Variants in MUSK observed in about 807,000 individuals in gnomAD.
The protein encoded by MUSK is muscle associated receptor tyrosine kinase, also known as muscle, skeletal receptor tyrosine-protein kinase.
MUSK carries 55 observed loss-of-function variants against 88.7 expected under a neutral mutation model. The ratio of observed to expected loss-of-function variants is 0.62; its 90% CI spans 0.50 to 0.78. The LOEUF (loss-of-function observed/expected upper bound fraction) is 0.78. Ranked by LOEUF, MUSK falls within the 30% of genes least tolerant of loss-of-function variation. The probability of loss-of-function intolerance (pLI) is 0.00; values close to 1 mark genes in which losing one functional copy is unlikely to be tolerated. For synonymous variants in MUSK, 387 were observed against 391.9 expected (o/e 0.99, Z 0.15); for missense variants, 1,015 against 1,074.3 (o/e 0.94, Z 0.77).
chr9:110,760,373 C>T (rs567240669), intron 7 of MUSK, among the ~76,000 whole-genome samples: 2 of 152,186 alleles, frequency 1.3e-5, no homozygotes, highest in East Asian at 1.9e-4. Context: ...TGGAATACTA[C>T]GTGGTCATAA....
At chr9:110,783,767 T>C (rs2077804513) in intron 11 of MUSK, among the ~76,000 whole-genome samples, 1 of 152,138 alleles carries the variant, frequency 6.6e-6, no homozygotes, top group Admixed American at 6.5e-5. Flanking sequence ...TTGGGTTAAA[T>C]GTTCAGTTCA....
At chr9:110,772,077 A>G (rs1290049722) in intron 9 of MUSK, among the ~76,000 whole-genome samples, 1 of 150,446 alleles carries the variant, frequency 6.6e-6, no homozygotes, top group African/African-American at 2.4e-5. Context: ...ATGGAAAAAT[A>G]TGGTCTATAA....
intron 5 of MUSK, among the ~76,000 whole-genome samples, chr9:110,709,970 C>A (rs2076647427): frequency 9.6e-6 from 1 of 103,666 alleles, no homozygotes; most frequent in African/African-American, 2.8e-5. Context: ...CATAGTGAGA[C>A]CCCCCTCTCT....
rs1370203787 is a variant in MUSK at position 110,687,130 on chromosome 9, C to T, written c.220C>T (p.Arg74Trp). 13 of 1,613,054 alleles carry T rather than the reference C, an allele frequency of 8.1e-6. No individual in the cohort carries two copies. The highest frequency in any genetic ancestry group is 2.2e-5 in the South Asian group (2 of 90,978). The change falls in exon 3 of 15, where the codon CGG (arginine) becomes TGG (tryptophan). Residue 74 changes from arginine to tryptophan, a missense_variant. Arg to Trp is a moderately radical substitution (Grantham distance 101, BLOSUM62 -3). Transcript: ENST00000374448. ...NKILIKLFDTRYSIRENGQLL... is the reference protein window; with the variant it reads ...NKILIKLFDTWYSIRENGQLL... Reference sequence around the variant, plus strand: ...TGTGACCTGCAGACTCTTTGACACCCGGTACAGCATCCGGGAGAATGGGCA... The same window carrying T: ...TGTGACCTGCAGACTCTTTGACACCTGGTACAGCATCCGGGAGAATGGGCA...
intron 14 of MUSK, 79 bp from the exon 15 acceptor site, chr9:110,800,227 G>A (rs2132065026): frequency 3.2e-6 from 4 of 1,267,390 alleles, no homozygotes; most frequent in South Asian, 2.9e-5. Context: ...GTTCTGACAT[G>A]GTCGTTTGCT....
At chr9:110,772,016 C>T (rs1035324337) in intron 9 of MUSK, among the ~76,000 whole-genome samples, 14 of 151,288 alleles carry the variant, frequency 9.3e-5, no homozygotes, top group Admixed American at 2.6e-4. Flanking sequence ...ATACAACAAC[C>T]GCTTTACAGT....
At chr9:110,747,962 A>C (rs1368341872) in intron 7 of MUSK, 162 bp downstream of exon 7, 2 of 1,022,408 alleles carry the variant, frequency 2.0e-6, no homozygotes, top group Non-Finnish European at 3.0e-6. Flanking sequence ...GGTGACCTAG[A>C]TATGGATTTT....
intron 5 of MUSK, chr9:110,728,780 T>G: frequency 7.3e-7 from 1 of 1,375,888 alleles, no homozygotes; most frequent in Non-Finnish European, 9.8e-7. Flanking sequence ...ATTGTTTATT[T>G]TTGTTGACCT....
chr9:110,745,896 T>C (rs567632111), intron 6 of MUSK, among the ~76,000 whole-genome samples: 1 of 152,360 alleles, frequency 6.6e-6, no homozygotes, highest in Admixed American at 6.5e-5. Flanking sequence ...GTTCACTGCA[T>C]GATTGCTACA....
intron 1 of MUSK, among the ~76,000 whole-genome samples, chr9:110,675,673 G>T (rs1444439651): frequency 4.6e-5 from 6 of 129,092 alleles, no homozygotes; most frequent in Non-Finnish European, 8.0e-5. Context: ...GGGTTCAAGT[G>T]ATTCTCCTGC....
intron 5 of MUSK, among the ~76,000 whole-genome samples, chr9:110,709,643 AC>A (rs994041064): frequency 6.6e-6 from 1 of 152,212 alleles, no homozygotes; most frequent in African/African-American, 2.4e-5. Context: ...GCAGTGATTT[AC>A]GCACTTGTGC....
intron 5 of MUSK, among the ~76,000 whole-genome samples, chr9:110,699,878 A>G (rs1001680023): frequency 1.3e-5 from 2 of 152,198 alleles, no homozygotes; most frequent in Non-Finnish European, 2.9e-5. Context: ...AGGAAAAGAT[A>G]GAGTTTTGTC....
At chr9:110,712,204 C>A in intron 5 of MUSK, among the ~76,000 whole-genome samples, 1 of 150,240 alleles carries the variant, frequency 6.7e-6, no homozygotes, top group East Asian at 1.9e-4. Context: ...AGAAGGGTCT[C>A]TGCTGAGAAA....
intron 6 of MUSK, among the ~76,000 whole-genome samples, chr9:110,738,160 T>C (rs1054349907): frequency 6.6e-6 from 1 of 152,152 alleles, no homozygotes; most frequent in Admixed American, 6.6e-5. Context: ...TTTTTCTATC[T>C]ATCAAATCAC....
At chr9:110,703,033 C>A (rs1011169283) in intron 5 of MUSK, among the ~76,000 whole-genome samples, 2 of 152,004 alleles carry the variant, frequency 1.3e-5, no homozygotes, top group Non-Finnish European at 2.9e-5. Flanking sequence ...GCACTTTACC[C>A]AAGTTACATA....
At chr9:110,705,563 G>T (rs1292496241) in intron 5 of MUSK, among the ~76,000 whole-genome samples, 1 of 152,186 alleles carries the variant, frequency 6.6e-6, no homozygotes, top group East Asian at 1.9e-4. Flanking sequence ...GGAATAGTTT[G>T]CAGGATCCAG....
At chr9:110,712,054 T>A (rs2076678588) in intron 5 of MUSK, among the ~76,000 whole-genome samples, 1 of 152,102 alleles carries the variant, frequency 6.6e-6, no homozygotes, top group Non-Finnish European at 1.5e-5. Context: ...ATATTCCTGA[T>A]CTATAAATGG....
At chr9:110,715,311 CTA>C (rs2076730562) in intron 5 of MUSK, among the ~76,000 whole-genome samples, 1 of 149,702 alleles carries the variant, frequency 6.7e-6, no homozygotes, top group Admixed American at 6.6e-5. Flanking sequence ...CTCCACAATT[CTA>C]TGAGTTGAAA....
chr9:110,680,828 C>A (rs1338327928), intron 1 of MUSK, among the ~76,000 whole-genome samples: 1 of 145,948 alleles, frequency 6.9e-6, no homozygotes, highest in Non-Finnish European at 1.5e-5. Context: ...TTTTATTTTT[C>A]TCAAACTCCT....
Sources: gnomAD v4.1 joint callset for allele counts (sites outside exome capture counted in the v4.1 genomes callset) on GRCh38, gnomAD v4.1.1 for gene constraint, MANE v1.5 for transcripts, NCBI Gene and HGNC (gene_info 2026-07-23, HGNC 2026-07-21) for gene names.